Variants in CACNA1C observed in about 807,000 individuals in gnomAD.
CACNA1C encodes the protein calcium voltage-gated channel subunit alpha1 C.
In CACNA1C, 30 loss-of-function variants were observed where a neutral mutation model predicts 229.0. The observed-to-expected ratio is 0.13, with a 90% CI of 0.10 to 0.18. The LOEUF is 0.18. Ranked by LOEUF, CACNA1C falls within the 10% of genes least tolerant of loss-of-function variation. The pLI is 1.00. For synonymous variants in CACNA1C, 1,114 were observed against 1,132.5 expected (o/e 0.98, Z 0.33); for missense variants, 1,658 against 2,845.0 (o/e 0.58, Z 9.49).
chr12:2,466,620 G>C (rs1001331623), intron 5 of CACNA1C, among the ~76,000 whole-genome samples: 3 of 152,174 alleles, frequency 2.0e-5, no homozygotes, highest in African/African-American at 7.2e-5. Context: ...TGGTTGATGT[G>C]ATTTAACACT....
intron 3 of CACNA1C, among the ~76,000 whole-genome samples, chr12:2,169,155 A>C (rs2096371533): frequency 6.6e-6 from 1 of 152,066 alleles, no homozygotes. Flanking sequence ...TCGATCCCGC[A>C]CTCAGTTCGT....
chr12:2,296,860 A>G (rs1320342804), intron 3 of CACNA1C, among the ~76,000 whole-genome samples: 2 of 152,200 alleles, frequency 1.3e-5, no homozygotes, highest in Non-Finnish European at 2.9e-5. Context: ...CTTTGCTTCC[A>G]TTATTCCACA....
Position 2,446,307 on chromosome 12 carries a change from A to G in CACNA1C, c.478-2669A>G, listed in dbSNP as rs1474598830. Among the ~76,000 whole-genome samples, 42 of 134,240 alleles carry G rather than the reference A, an allele frequency of 3.1e-4. 1 individual carries two copies. The Admixed American group carries it at 3.1e-3, about 10-fold the overall frequency. 88.1% of individuals were successfully genotyped at this position (134,240 alleles called of 152,430 possible). ...GATGGATGGATGGGTGAGTGGGTGG[A>G]TGTATAGATGGGTGGTTGGATGGTG... On this transcript the variant is annotated intron_variant, in intron 3 of 46. Transcript: ENST00000399655.
intron 1 of CACNA1C, among the ~76,000 whole-genome samples, chr12:2,005,264 C>T (rs2043187717): frequency 6.6e-6 from 1 of 152,044 alleles, no homozygotes; most frequent in Non-Finnish European, 1.5e-5. Context: ...TTTTAACATT[C>T]TGCATGAAAA....
intron 31 of CACNA1C, among the ~76,000 whole-genome samples, chr12:2,648,988 C>T (rs2094631617): frequency 6.6e-6 from 1 of 152,154 alleles, no homozygotes; most frequent in Non-Finnish European, 1.5e-5. Context: ...CCTAGCTTCC[C>T]TGTGCTTCAA....
intron 19 of CACNA1C, among the ~76,000 whole-genome samples, chr12:2,593,698 C>T (rs2066625657): frequency 6.6e-6 from 1 of 152,176 alleles, no homozygotes. Flanking sequence ...TCATCTGCTC[C>T]TTACTTACAT....
chr12:2,148,781 A>G (rs1232495411), intron 3 of CACNA1C, among the ~76,000 whole-genome samples: 2 of 143,214 alleles, frequency 1.4e-5, no homozygotes, highest in African/African-American at 4.9e-5. Context: ...CCCGGGCTCA[A>G]GCTGTCCTCC....
At chr12:2,606,685 G>A in intron 25 of CACNA1C, 22 bp downstream of exon 25, 1 of 1,602,902 alleles carries the variant, frequency 6.2e-7, no homozygotes. Flanking sequence ...TGGGAGGGCA[G>A]CCAGGGCCAC....
At position 2,465,170 on chromosome 12, in the gene CACNA1C, CATTAT is replaced by C. The variant is rs1375087324; in HGVS notation, c.757+7474_757+7478del. On this transcript the variant is annotated intron_variant, in intron 5 of 46. Transcript: ENST00000399655. ...GTGCTCAGTTAAGTGGTAGCTGTTA[CATTAT>C]ATTATATTACATATGTAGACTGAAA... Among the ~76,000 whole-genome samples the C allele has an allele frequency of 2.0e-5, 3 of 152,174 alleles. No homozygotes were observed. The East Asian group carries it at 5.8e-4, about 29-fold the overall frequency.
At position 2,251,072 on chromosome 12, in the gene CACNA1C, C is replaced by A. The variant is rs1342843937; in HGVS notation, c.477+130642C>A. ...GAACAGTCATGTCACTTTGGAAGAGCCTGAGTTTGAGAGGGATGTGTGTCT... is the reference window on the plus strand; with the variant it reads ...GAACAGTCATGTCACTTTGGAAGAGACTGAGTTTGAGAGGGATGTGTGTCT... On this transcript the variant is annotated intron_variant, in intron 3 of 46. Transcript: ENST00000399655. Among the ~76,000 whole-genome samples the A allele has an allele frequency of 2.0e-5, 3 of 152,166 alleles. No homozygotes were observed. In the East Asian group the frequency reaches 5.8e-4, roughly 29 times the overall value.
At position 2,584,555 on chromosome 12, in the gene CACNA1C, T is replaced by G. The variant is rs756036003; in HGVS notation, c.2277T>G (p.Ala759=). Residue 759 remains alanine (A), a synonymous_variant, in exon 16 of 47, where the codon GCT becomes GCG. Transcript: ENST00000399655. The stretch of plus-strand genomic sequence containing the variant: ...TTGCTGTGGACAACCTGGCTGATGC[T>G]GAGAGCCTCACATCTGCCCAAAAGG... The part of the protein sequence containing the change: ...LAIAVDNLAD[A]ESLTSAQKEE... 2.5e-6 allele frequency: 4 copies of G among 1,613,934 alleles called. No individual in the cohort carries two copies. The South Asian group carries it at 3.3e-5, about 13-fold the overall frequency.
intron 1 of CACNA1C, among the ~76,000 whole-genome samples, chr12:2,081,797 C>G (rs1333736902): frequency 6.6e-6 from 1 of 151,868 alleles, no homozygotes; most frequent in Non-Finnish European, 1.5e-5. Flanking sequence ...GTTCTAAGGT[C>G]TTGGTATTTT....
intron 3 of CACNA1C, 107 bp from the exon 4 acceptor site, chr12:2,448,869 G>A (rs750364088): frequency 1.1e-6 from 1 of 916,334 alleles, no homozygotes; most frequent in Non-Finnish European, 1.6e-6. Context: ...CCACCACAGA[G>A]GGGGCAGCAT....
intron 1 of CACNA1C, among the ~76,000 whole-genome samples, chr12:2,031,715 A>C (rs145269614): frequency 3.9e-5 from 6 of 152,248 alleles, no homozygotes; most frequent in East Asian, 3.9e-4. Context: ...AATCAAATTC[A>C]TGGTTGGATT....
chr12:2,323,292 G>T (rs906557373), intron 3 of CACNA1C, among the ~76,000 whole-genome samples: 2 of 152,150 alleles, frequency 1.3e-5, no homozygotes, highest in African/African-American at 4.8e-5. Context: ...TTTTTAAAAA[G>T]TATTTCAGCA....
intron 3 of CACNA1C, among the ~76,000 whole-genome samples, chr12:2,156,788 A>C (rs2095575169): frequency 6.6e-6 from 1 of 152,218 alleles, no homozygotes; most frequent in South Asian, 2.1e-4. Flanking sequence ...CTTTTGAAGC[A>C]GTGTTAATGT....
chr12:2,333,710 A>T (rs1272172906), intron 3 of CACNA1C, among the ~76,000 whole-genome samples: 1 of 152,172 alleles, frequency 6.6e-6, no homozygotes, highest in Non-Finnish European at 1.5e-5. Flanking sequence ...TGACAGCAAG[A>T]GTGAATCAAC....
chr12:2,363,535 C>T (rs1209294071), intron 3 of CACNA1C, among the ~76,000 whole-genome samples: 2 of 152,170 alleles, frequency 1.3e-5, no homozygotes, highest in African/African-American at 2.4e-5. Context: ...TGAATCCTTC[C>T]CCAGTTTGCT....
chr12:2,528,382 C>T (rs1417844956), intron 9 of CACNA1C, among the ~76,000 whole-genome samples: 1 of 152,214 alleles, frequency 6.6e-6, no homozygotes, highest in Non-Finnish European at 1.5e-5. Context: ...CATCAGACCC[C>T]AGAGGAATTC....
Sources: allele counts gnomAD v4.1 joint callset (sites outside exome capture counted in the v4.1 genomes callset), GRCh38; gene constraint gnomAD v4.1.1; transcripts MANE v1.5; gene names NCBI Gene and HGNC (gene_info 2026-07-23, HGNC 2026-07-21).